CCDC85A: variants seen among roughly 807,000 people sequenced by gnomAD.
The protein encoded by CCDC85A is coiled-coil domain-containing protein 85A.
Under a neutral mutation model 50.2 loss-of-function variants are expected in CCDC85A, and 38 were observed. That is an observed-to-expected ratio of 0.76 (90% CI 0.58 to 0.99). The LOEUF is 0.99. CCDC85A is among the 50% of genes least tolerant of loss of function. CCDC85A has a pLI of 0.00. For missense variants in CCDC85A, 820 were observed against 742.0 expected (o/e 1.11, Z -1.22); for synonymous variants, 366 against 301.4 (o/e 1.21, Z -2.22).
rs1675516761 is a variant in CCDC85A, at chr2:56,361,315, ATTGGCCATTCATTTAATCT to A, written c.1318-11026_1318-11008del. 8.5e-5 allele frequency among the ~76,000 whole-genome samples: 13 copies of A among 152,194 alleles called. No homozygotes were observed. The South Asian group carries it at 2.3e-3, about 27-fold the overall frequency. On this transcript the variant is annotated intron_variant, in intron 3 of 5. Coordinates refer to ENST00000407595, the MANE Select transcript of CCDC85A (RefSeq NM_001080433.2). Reference sequence around the variant, plus strand: ...AGGTCATGGAAGGCTGATGGCTAGCATTGGCCATTCATTTAATCTTTTACCCCTTGAATCTTTTTTGAGC... The same window carrying A: ...AGGTCATGGAAGGCTGATGGCTAGCATTTACCCCTTGAATCTTTTTTGAGC...
chr2:56,186,925 T>A (rs1175159978), intron 1 of CCDC85A, among the ~76,000 whole-genome samples: 2 of 152,186 alleles, frequency 1.3e-5, no homozygotes, highest in African/African-American at 2.4e-5. Context: ...CTTATCAAGT[T>A]CAGAAATGAT....
intron 2 of CCDC85A, among the ~76,000 whole-genome samples, chr2:56,233,947 A>C (rs12612590): frequency 6.6e-6 from 1 of 152,118 alleles, no homozygotes; most frequent in South Asian, 2.1e-4. Flanking sequence ...CTGATGCATA[A>C]TCAAATTGGA....
chr2:56,383,849 T>TAATGTGTAGCCAGAATTAA, intron 5 of CCDC85A: 1 of 681,978 alleles, frequency 1.5e-6, no homozygotes, highest in Non-Finnish European at 1.8e-6. Context: ...TTCTTAATTC[T>TAATGTGTAGCCAGAATTAA]GGCTACACAT....
In CCDC85A at chr2:56,322,054, A is replaced by G. The variant is rs112382926; in HGVS notation, c.1241-20825A>G. ...ACAAGAAATGGGGAAAGGATTCCCT[A>G]TTTAATAAATGTTGCTGGGAAAACT... On this transcript the variant is annotated intron_variant, in intron 2 of 5. Coordinates refer to ENST00000407595, the MANE Select transcript of CCDC85A (RefSeq NM_001080433.2). Among the ~76,000 whole-genome samples the G allele has an allele frequency of 3.9e-3, 589 of 152,308 alleles. 4 individuals carry two copies. The highest frequency in any genetic ancestry group is 0.012 in the African/African-American group (519 of 41,562).
intron 2 of CCDC85A, among the ~76,000 whole-genome samples, chr2:56,327,296 T>C (rs1178647435): frequency 6.6e-6 from 1 of 152,162 alleles, no homozygotes; most frequent in Non-Finnish European, 1.5e-5. Context: ...GTATTCATGT[T>C]TGATTACTGA....
chr2:56,309,009 AT>A (rs1254039185), intron 2 of CCDC85A, among the ~76,000 whole-genome samples: 2 of 152,198 alleles, frequency 1.3e-5, no homozygotes, highest in African/African-American at 4.8e-5. Context: ...AGCTTTCAAA[AT>A]TCTCCAACTG....
chr2:56,200,870 C>T (rs2103849280), intron 2 of CCDC85A, among the ~76,000 whole-genome samples: 1 of 151,824 alleles, frequency 6.6e-6, no homozygotes, highest in East Asian at 1.9e-4. Flanking sequence ...ATCCTGGCTC[C>T]TGATCAAAAT....
In CCDC85A at chr2:56,346,026, G is replaced by A. The variant is rs529321170; in HGVS notation, c.1317+3071G>A. On this transcript the variant is annotated intron_variant, in intron 3 of 5. Transcript: ENST00000407595. ...AACAGAAGTAAGAATGTAGCTGGCA[G>A]CTGGAATCCCAAGTATGTAAAACAC... is the stretch of plus-strand genomic sequence containing the variant. Among the ~76,000 whole-genome samples the A allele has an allele frequency of 2.6e-5, 4 of 152,266 alleles. No individual in the cohort carries two copies. In the South Asian group the frequency reaches 8.3e-4, roughly 32 times the overall value.
At chr2:56,275,498 C>G in intron 2 of CCDC85A, among the ~76,000 whole-genome samples, 1 of 109,306 alleles carries the variant, frequency 9.1e-6, no homozygotes, top group Non-Finnish European at 2.1e-5. Flanking sequence ...AGCTATTTAA[C>G]ATCATATAGA....
At chr2:56,240,175 C>T (rs1451606381) in intron 2 of CCDC85A, among the ~76,000 whole-genome samples, 1 of 152,094 alleles carries the variant, frequency 6.6e-6, no homozygotes, top group Non-Finnish European at 1.5e-5. Context: ...TCCCCGTTTC[C>T]CCTTCCTTCA....
intron 2 of CCDC85A, among the ~76,000 whole-genome samples, chr2:56,253,722 G>T (rs1266908206): frequency 6.6e-6 from 1 of 152,208 alleles, no homozygotes; most frequent in African/African-American, 2.4e-5. Context: ...ATGTTTCGGA[G>T]CAAAGATTGA....
chr2:56,332,480 T>C (rs562120351), intron 2 of CCDC85A, among the ~76,000 whole-genome samples: 28 of 152,310 alleles, frequency 1.8e-4, no homozygotes, highest in African/African-American at 6.5e-4. Flanking sequence ...GTTAATCCTA[T>C]TCTCTCATGA....
chr2:56,309,248 T>C (rs867521715), intron 2 of CCDC85A, among the ~76,000 whole-genome samples: 52 of 152,304 alleles, frequency 3.4e-4, no homozygotes, highest in Admixed American at 5.2e-4. Flanking sequence ...CTTTCTGTGA[T>C]GGTTCAAATT....
rs1675895981 is a variant in CCDC85A at position 56,184,346 on chromosome 2, T to C, written c.-279T>C. On this transcript the variant is annotated 5_prime_UTR_variant, in exon 1 of 6. Transcript: ENST00000407595. ...CCCGCGGCAGCCCCGGGCTCCCCAG[T>C]GCCCCTCACCATGGACTTGCGCGGA... The C allele has an allele frequency of 2.0e-6, 1 of 490,342 alleles. No individual in the cohort carries two copies. The highest frequency in any genetic ancestry group is 1.0e-4 in the South Asian group (1 of 9,944). The allele number at this position is 490,342 out of a possible 1,614,324, so 30.4% of individuals were successfully genotyped here.
intron 2 of CCDC85A, among the ~76,000 whole-genome samples, chr2:56,326,751 C>T (rs922458947): frequency 6.6e-6 from 1 of 152,074 alleles, no homozygotes. Flanking sequence ...TCTTTCATAA[C>T]TTTTTGACTG....
chr2:56,234,135 C>A (rs910040454), intron 2 of CCDC85A, among the ~76,000 whole-genome samples: 2 of 152,128 alleles, frequency 1.3e-5, no homozygotes, highest in Non-Finnish European at 2.9e-5. Flanking sequence ...GATATCTGTC[C>A]ATGTAGTTAA....
intron 2 of CCDC85A, among the ~76,000 whole-genome samples, chr2:56,256,840 A>G (rs918470663): frequency 3.3e-5 from 5 of 152,258 alleles, no homozygotes; most frequent in African/African-American, 1.2e-4. Context: ...AAGATTAAAA[A>G]GTAAATCAGG....
chr2:56,263,630 A>T (rs1670312671), intron 2 of CCDC85A, among the ~76,000 whole-genome samples: 1 of 152,168 alleles, frequency 6.6e-6, no homozygotes, highest in African/African-American at 2.4e-5. Flanking sequence ...GTCTGTATAT[A>T]TAAGAATATA....
chr2:56,336,556 C>G (rs1185679878), intron 2 of CCDC85A, among the ~76,000 whole-genome samples: 1 of 152,174 alleles, frequency 6.6e-6, no homozygotes, highest in South Asian at 2.1e-4. Context: ...ATCACTTCAT[C>G]TAATCAAAAC....
Sources: allele counts gnomAD v4.1 joint callset (sites outside exome capture counted in the v4.1 genomes callset), GRCh38; gene constraint gnomAD v4.1.1; transcripts MANE v1.5; gene names NCBI Gene and HGNC (gene_info 2026-07-23, HGNC 2026-07-21).